Variants in EYS observed in about 807,000 individuals in gnomAD.
EYS encodes the protein protein eyes shut homolog.
In EYS, 250 loss-of-function variants were observed where a neutral mutation model predicts 282.1. That is an observed-to-expected ratio of 0.89 (90% confidence interval 0.80 to 0.98). EYS has a LOEUF of 0.98. Among genes scored for constraint, EYS ranks in the 50% least tolerant of loss-of-function variants. The pLI is 0.00. For synonymous variants in EYS, 1,355 were observed against 1,282.9 expected (o/e 1.06, Z -1.20); for missense variants, 4,016 against 3,709.0 (o/e 1.08, Z -2.15).
intron 19 of EYS, among the ~76,000 whole-genome samples, chr6:64,882,089 C>T (rs1766942344): frequency 6.6e-6 from 1 of 151,636 alleles, no homozygotes; most frequent in Non-Finnish European, 1.5e-5. Flanking sequence ...GATGAGACAG[C>T]TTGGACATAG....
chr6:65,387,769 C>T (rs1263603800), intron 7 of EYS, among the ~76,000 whole-genome samples: 1 of 151,850 alleles, frequency 6.6e-6, no homozygotes, highest in Non-Finnish European at 1.5e-5. Flanking sequence ...TTGGAATCAA[C>T]TTTTGATACA....
intron 31 of EYS, among the ~76,000 whole-genome samples, chr6:64,225,726 TG>T (rs915096697): frequency 5.9e-5 from 9 of 152,130 alleles, no homozygotes; most frequent in African/African-American, 2.2e-4. Context: ...AGGCTGTCTT[TG>T]TCTCCAGCTG....
In EYS at chr6:64,901,294, G is replaced by GTATATATA. The variant is rs70999177; in HGVS notation, c.2846+811_2846+818dup. ...TTAGGAGAAATACCTATGTAGTTGA[G>GTATATATA]TATATATATATATATATATATAGGC... is the stretch of plus-strand genomic sequence containing the variant. On this transcript the variant is annotated intron_variant, in intron 18 of 42. Transcript: ENST00000503581. Among the ~76,000 whole-genome samples the GTATATATA allele has an allele frequency of 6.5e-3, 823 of 127,562 alleles. 3 individuals carry two copies. Among genetic ancestry groups the GTATATATA allele is most frequent in the African/African-American group, 0.01 (324 of 31,688 alleles). The allele number at this position is 127,562 out of a possible 152,430, so 83.7% of individuals were successfully genotyped here.
intron 12 of EYS, among the ~76,000 whole-genome samples, chr6:65,087,918 A>ACC (rs1774432885): frequency 6.6e-6 from 1 of 152,146 alleles, no homozygotes; most frequent in Admixed American, 6.5e-5. Flanking sequence ...TAACTGAATA[A>ACC]TTAGGACAGT....
intron 19 of EYS, among the ~76,000 whole-genome samples, chr6:64,882,284 G>C (rs980202773): frequency 1.3e-4 from 19 of 151,720 alleles, no homozygotes; most frequent in African/African-American, 3.9e-4. Context: ...TCTTGAAAAA[G>C]TCACACATCG....
At chr6:65,611,762 ACTAATAAAAGGGC>A (rs1466799687) in intron 2 of EYS, among the ~76,000 whole-genome samples, 1 of 152,022 alleles carries the variant, frequency 6.6e-6, no homozygotes, top group Admixed American at 6.6e-5. Flanking sequence ...TTTAAAAAAT[ACTAATAAAAGGGC>A]CTCAAACCCA....
intron 40 of EYS, among the ~76,000 whole-genome samples, chr6:63,773,867 C>T (rs1037063614): frequency 7.2e-5 from 11 of 152,118 alleles, no homozygotes; most frequent in African/African-American, 2.7e-4. Flanking sequence ...TTGTAAACCT[C>T]TAAAATGATA....
chr6:64,206,474 G>A (rs1337590653), intron 31 of EYS, among the ~76,000 whole-genome samples: 1 of 152,186 alleles, frequency 6.6e-6, no homozygotes, highest in Non-Finnish European at 1.5e-5. Context: ...AAAGTTGCTA[G>A]ATCAGTGGCT....
chr6:64,435,965 T>G (rs576227419), intron 28 of EYS, among the ~76,000 whole-genome samples: 146 of 152,056 alleles, frequency 9.6e-4, no homozygotes, highest in Middle Eastern at 3.4e-3. Context: ...TCTCCTTATG[T>G]GAGTTCATTG....
At chr6:65,347,781 C>T (rs1186036114) in intron 9 of EYS, among the ~76,000 whole-genome samples, 6 of 151,238 alleles carry the variant, frequency 4.0e-5, no homozygotes, top group Non-Finnish European at 8.9e-5. Context: ...ATTATTGTTG[C>T]CTGTAGTCAC....
intron 24 of EYS, among the ~76,000 whole-genome samples, chr6:64,614,069 G>A (rs1005646328): frequency 1.3e-5 from 2 of 151,806 alleles, no homozygotes; most frequent in Non-Finnish European, 2.9e-5. Context: ...CCTAATTATA[G>A]GACTGTTAAA....
At chr6:65,524,737 C>A (rs895095418) in intron 2 of EYS, among the ~76,000 whole-genome samples, 1 of 152,194 alleles carries the variant, frequency 6.6e-6, no homozygotes, top group Non-Finnish European at 1.5e-5. Flanking sequence ...GAAATGTATT[C>A]TGTAAGCCCA....
chr6:65,331,793 T>G, intron 11 of EYS: 1 of 842,962 alleles, frequency 1.2e-6, no homozygotes, highest in Non-Finnish European at 1.4e-6. Flanking sequence ...CTTATCAAAA[T>G]GTTTTCAATG....
At chr6:63,892,811 A>G (rs1223320714) in intron 35 of EYS, among the ~76,000 whole-genome samples, 3 of 152,222 alleles carry the variant, frequency 2.0e-5, no homozygotes, top group Non-Finnish European at 4.4e-5. Flanking sequence ...GAATGAGAGA[A>G]AAATTTTGCA....
chr6:64,390,925 T>C (rs1343531695), intron 28 of EYS, among the ~76,000 whole-genome samples: 1 of 148,274 alleles, frequency 6.7e-6, no homozygotes, highest in East Asian at 2.0e-4. Context: ...AGAGAAGTGC[T>C]TAAAGGAGCT....
At chr6:63,789,346 T>C (rs1770450320) in intron 37 of EYS, 122 bp from the exon 38 acceptor site, 1 of 946,380 alleles carries the variant, frequency 1.1e-6, no homozygotes, top group South Asian at 1.9e-5. Context: ...ACATATTTAG[T>C]CTCTAGTCAG....
chr6:64,674,593 T>C (rs1467117161), intron 22 of EYS, among the ~76,000 whole-genome samples: 1 of 152,098 alleles, frequency 6.6e-6, no homozygotes, highest in Non-Finnish European at 1.5e-5. Flanking sequence ...TTTACTATTA[T>C]CTTTAATATA....
At chr6:64,917,016 C>T (rs1309720316) in intron 15 of EYS, among the ~76,000 whole-genome samples, 1 of 152,034 alleles carries the variant, frequency 6.6e-6, no homozygotes, top group Admixed American at 6.5e-5. Context: ...TTTGGGAGTC[C>T]GAGGCGGGTG....
chr6:63,738,847 C>G (rs892623648), intron 41 of EYS, among the ~76,000 whole-genome samples: 2 of 152,134 alleles, frequency 1.3e-5, no homozygotes, highest in East Asian at 3.8e-4. Flanking sequence ...ATATCCATAT[C>G]CTGATCCTCA....
Sources: allele counts gnomAD v4.1 joint callset (sites outside exome capture counted in the v4.1 genomes callset), GRCh38; gene constraint gnomAD v4.1.1; transcripts MANE v1.5; gene names NCBI Gene and HGNC (gene_info 2026-07-23, HGNC 2026-07-21).